FRMD4A: variants seen among roughly 807,000 people sequenced by gnomAD.
FRMD4A encodes FERM domain-containing protein 4A.
FRMD4A carries 29 observed loss-of-function variants against 129.1 expected under a neutral mutation model. The ratio of observed to expected loss-of-function variants is 0.22; its 90% CI spans 0.17 to 0.31. The LOEUF is 0.31. Among genes scored for constraint, FRMD4A ranks in the 10% least tolerant of loss-of-function variants. FRMD4A has a pLI of 1.00. For missense variants in FRMD4A, 1,272 were observed against 1,375.8 expected, an observed-to-expected ratio of 0.92 and a Z score of 1.19; for synonymous variants, 634 against 571.6, an observed-to-expected ratio of 1.11 and a Z score of -1.56.
chr10:13,974,198 A>G (rs953946203), intron 2 of FRMD4A, among the ~76,000 whole-genome samples: 1 of 152,046 alleles, frequency 6.6e-6, no homozygotes, highest in Admixed American at 6.6e-5. Context: ...AGTGAAATGT[A>G]TATATTTAGC....
intron 2 of FRMD4A, among the ~76,000 whole-genome samples, chr10:14,190,509 C>A (rs1043289878): frequency 6.6e-6 from 1 of 152,122 alleles, no homozygotes; most frequent in African/African-American, 2.4e-5. Flanking sequence ...ACCACCTCTG[C>A]CTCCCAAGTA....
intron 12 of FRMD4A, among the ~76,000 whole-genome samples, chr10:13,728,347 C>T (rs1230500215): frequency 6.6e-6 from 1 of 152,008 alleles, no homozygotes; most frequent in Non-Finnish European, 1.5e-5. Context: ...GTCTCTTGCT[C>T]AGCCAGGCCC....
intron 2 of FRMD4A, among the ~76,000 whole-genome samples, chr10:14,035,055 A>G (rs1478577825): frequency 1.3e-5 from 2 of 152,172 alleles, no homozygotes; most frequent in Non-Finnish European, 2.9e-5. Flanking sequence ...CTGAAAATGA[A>G]ATTAAATACC....
chr10:14,276,649 T>A (rs561803383), intron 2 of FRMD4A, among the ~76,000 whole-genome samples: 34 of 152,232 alleles, frequency 2.2e-4, no homozygotes, highest in African/African-American at 4.3e-4. Context: ...AGCCCCTACA[T>A]GGGGCCCCAC....
intron 15 of FRMD4A, among the ~76,000 whole-genome samples, chr10:13,675,293 T>A (rs1464491818): frequency 6.6e-6 from 1 of 152,222 alleles, no homozygotes; most frequent in Non-Finnish European, 1.5e-5. Flanking sequence ...TCTTTCTCAA[T>A]TATCTTAAGA....
chr10:13,820,586 T>C (rs1223381763), intron 3 of FRMD4A, among the ~76,000 whole-genome samples: 1 of 151,846 alleles, frequency 6.6e-6, no homozygotes, highest in Non-Finnish European at 1.5e-5. Flanking sequence ...GCAGTAACCA[T>C]CAGGTGACTC....
chr10:13,869,266 G>T (rs1388414352), intron 2 of FRMD4A, among the ~76,000 whole-genome samples: 2 of 152,162 alleles, frequency 1.3e-5, no homozygotes, highest in Non-Finnish European at 1.5e-5. Context: ...AGACGATGAG[G>T]CGTGGACCCA....
chr10:14,009,162 C>T (rs1385509461), intron 2 of FRMD4A, among the ~76,000 whole-genome samples: 1 of 152,208 alleles, frequency 6.6e-6, no homozygotes, highest in Non-Finnish European at 1.5e-5. Context: ...TGATGGATGG[C>T]ATAAATGGTC....
At chr10:13,832,702 A>G (rs561879332) in intron 3 of FRMD4A, among the ~76,000 whole-genome samples, 1 of 152,172 alleles carries the variant, frequency 6.6e-6, no homozygotes, top group Non-Finnish European at 1.5e-5. Flanking sequence ...CCCCTAGGGG[A>G]CTAGAGGGTG....
intron 2 of FRMD4A, among the ~76,000 whole-genome samples, chr10:13,913,090 G>T (rs1391220988): frequency 1.4e-5 from 2 of 145,960 alleles, no homozygotes; most frequent in East Asian, 4.0e-4. Context: ...AAAAAAAAAA[G>T]GATATTATTC....
intron 24 of FRMD4A, chr10:13,648,019 C>CA (rs3833744): frequency 0.19 from 28,301 of 152,050 alleles, 2,753 homozygotes; most frequent in South Asian, 0.32. Flanking sequence ...CGGTACCAAA[C>CA]ACAGCTTCAC....
At chr10:13,940,173 G>A (rs532062058) in intron 2 of FRMD4A, among the ~76,000 whole-genome samples, 16 of 151,898 alleles carry the variant, frequency 1.1e-4, no homozygotes, top group Non-Finnish European at 2.1e-4. Flanking sequence ...TTCTCAGTAC[G>A]TGCTTCCTTG....
intron 2 of FRMD4A, among the ~76,000 whole-genome samples, chr10:14,303,861 C>T (rs1444561028): frequency 6.6e-6 from 1 of 152,034 alleles, no homozygotes; most frequent in Non-Finnish European, 1.5e-5. Context: ...CATTCTAGTT[C>T]CTCTTATAAG....
intron 2 of FRMD4A, among the ~76,000 whole-genome samples, chr10:14,305,518 T>C (rs145775623): frequency 3.2e-4 from 48 of 152,278 alleles, no homozygotes; most frequent in Admixed American, 9.8e-4. Flanking sequence ...ACGCTGGTAA[T>C]AGAATAATAT....
chr10:13,644,484 T>C lies in FRMD4A; in HGVS notation c.*2554A>G, dbSNP rs570273300. The C allele has an allele frequency of 6.6e-6, 1 of 152,226 alleles. No homozygotes were observed. The highest frequency in any genetic ancestry group is 2.4e-5 in the African/African-American group (1 of 41,460). The allele number at this position is 152,226 out of a possible 1,614,324, so 9.4% of individuals were successfully genotyped here. The stretch of plus-strand genomic sequence containing the variant: ...CTCTGTCTTGACTACCAGACTATCA[T>C]GATGTTTGTTGGAACTGTAATTCCT... On this transcript the variant is annotated 3_prime_UTR_variant, in exon 25 of 25. Transcript: ENST00000357447.
intron 2 of FRMD4A, among the ~76,000 whole-genome samples, chr10:14,305,111 C>T (rs1846306308): frequency 6.6e-6 from 1 of 152,218 alleles, no homozygotes; most frequent in East Asian, 1.9e-4. Context: ...AATATTATGC[C>T]TCTTTCAGCT....
chr10:14,175,404 C>T (rs978402907), intron 2 of FRMD4A, among the ~76,000 whole-genome samples: 1 of 152,112 alleles, frequency 6.6e-6, no homozygotes, highest in Admixed American at 6.5e-5. Flanking sequence ...TGCTTTTCAC[C>T]CCTAATTAAC....
At chr10:14,269,616 T>C (rs1218343) in intron 2 of FRMD4A, among the ~76,000 whole-genome samples, 80,191 of 151,888 alleles carry the variant, frequency 0.53, 21,559 homozygotes, top group African/African-American at 0.63. Flanking sequence ...GTCTAAGGGA[T>C]GCCATGCAAT....
At chr10:14,059,125 C>T (rs1834684149) in intron 2 of FRMD4A, among the ~76,000 whole-genome samples, 1 of 152,152 alleles carries the variant, frequency 6.6e-6, no homozygotes, top group Non-Finnish European at 1.5e-5. Flanking sequence ...AAAGGGAGTG[C>T]CAACCTGGTC....
Sources: gnomAD v4.1 joint callset for allele counts (sites outside exome capture counted in the v4.1 genomes callset) on GRCh38, gnomAD v4.1.1 for gene constraint, MANE v1.5 for transcripts, NCBI Gene and HGNC (gene_info 2026-07-23, HGNC 2026-07-21) for gene names.